Variants in CA5A observed in about 807,000 individuals in gnomAD.
CA5A encodes the protein carbonic anhydrase 5A, also known as carbonic anhydrase 5A, mitochondrial.
A neutral mutation model predicts 37.1 loss-of-function variants in CA5A; 28 were observed. The observed-to-expected ratio is 0.75, with a 90% CI of 0.56 to 1.03. The LOEUF is 1.03. Among genes scored for constraint, CA5A ranks in the 50% least tolerant of loss-of-function variants. The pLI is 0.00. For synonymous variants in CA5A, 171 were observed against 158.4 expected, an observed-to-expected ratio of 1.08 and a Z score of -0.60; for missense variants, 444 against 399.9, an observed-to-expected ratio of 1.11 and a Z score of -0.94.
chr16:87,914,304 G>C (rs528253933), intron 2 of CA5A, among the ~76,000 whole-genome samples: 13 of 152,198 alleles, frequency 8.5e-5, no homozygotes, highest in Admixed American at 6.5e-4. Flanking sequence ...GCTCATCACC[G>C]TCCATCTCCT....
At chr16:87,929,881 A>AAAAAAC in intron 1 of CA5A, among the ~76,000 whole-genome samples, 1 of 151,370 alleles carries the variant, frequency 6.6e-6, no homozygotes, top group South Asian at 2.1e-4. Flanking sequence ...CAAAAAAAAA[A>AAAAAAC]AAAAAAAAAA....
chr16:87,885,460 T>G (rs1033449380), downstream of CA5A: 4 of 152,370 alleles, frequency 2.6e-5, no homozygotes, highest in Non-Finnish European at 5.9e-5. Flanking sequence ...AGGAGACACC[T>G]GGGCACACCC....
At chr16:87,902,895 G>C (rs144035952) in intron 3 of CA5A, among the ~76,000 whole-genome samples, 1,520 of 149,934 alleles carry the variant, frequency 0.01, 26 homozygotes, top group African/African-American at 0.036. Context: ...CTGGGTGACA[G>C]AGCGAGACTC....
intron 1 of CA5A, among the ~76,000 whole-genome samples, chr16:87,932,197 T>A (rs1356548231): frequency 6.6e-6 from 1 of 151,778 alleles, no homozygotes; most frequent in Non-Finnish European, 1.5e-5. Context: ...CTACCCCCCC[T>A]CCCACGGCCG....
chr16:87,914,865 C>T (rs1182321391), intron 2 of CA5A, among the ~76,000 whole-genome samples: 3 of 152,178 alleles, frequency 2.0e-5, no homozygotes, highest in Admixed American at 6.5e-5. Context: ...AGGGGATGGG[C>T]ACAGAGAAGT....
chr16:87,936,406 C>A lies in CA5A; in HGVS notation c.45G>T (p.Leu15Phe), dbSNP rs1477263516. 6.2e-7 allele frequency: 1 copy of A among 1,614,058 alleles called. No homozygotes were observed. Among genetic ancestry groups the A allele is most frequent in the Non-Finnish European group, 8.5e-7 (1 of 1,179,946 alleles). Reference protein sequence around the residue: ...NTWKTSAFSFLVEQMWAPLWS... With the variant: ...NTWKTSAFSFFVEQMWAPLWS... ...AGAGAGGGGCCCACATCTGCTCAAC[C>A]AAGAAGGAGAAAGCTGAGGTCTTCC... The change falls in exon 1 of 7, where the codon TTG (leucine) becomes TTT (phenylalanine). Residue 15 changes from leucine (L) to phenylalanine (F), a missense_variant. Transcript: ENST00000649794.
At chr16:87,892,598 A>G (rs1224266417) in intron 5 of CA5A, among the ~76,000 whole-genome samples, 1 of 149,562 alleles carries the variant, frequency 6.7e-6, no homozygotes. Flanking sequence ...CATTTCTTTT[A>G]GCATACCTTG....
At chr16:87,931,344 TCGG>T (rs557159698) in intron 1 of CA5A, among the ~76,000 whole-genome samples, 93 of 148,626 alleles carry the variant, frequency 6.3e-4, no homozygotes, top group African/African-American at 2.2e-3. Context: ...ACTCCTGACT[TCGG>T]GTGATCCACC....
intron 1 of CA5A, 144 bp from the exon 2 acceptor site, chr16:87,927,089 C>G (rs1458875871): frequency 3.2e-6 from 2 of 627,678 alleles, no homozygotes; most frequent in Admixed American, 2.7e-5. Flanking sequence ...CGCGTGGGGG[C>G]CCCTGCGCAG....
chr16:87,894,222 G>T (rs373807376), intron 5 of CA5A, among the ~76,000 whole-genome samples: 3 of 151,962 alleles, frequency 2.0e-5, no homozygotes, highest in African/African-American at 7.3e-5. Flanking sequence ...GGGCCTGGCC[G>T]CAACACAGCC....
intron 1 of CA5A, among the ~76,000 whole-genome samples, chr16:87,931,727 C>A (rs1004151263): frequency 6.6e-6 from 1 of 152,168 alleles, no homozygotes; most frequent in Admixed American, 6.5e-5. Flanking sequence ...ACAGAACTCG[C>A]TAAGTGCCGG....
At chr16:87,893,110 A>C in intron 5 of CA5A, 2 of 615,018 alleles carry the variant, frequency 3.3e-6, no homozygotes, top group African/African-American at 3.9e-5. Flanking sequence ...GCCTAGAGAC[A>C]TTTCTTTCTT....
At chr16:87,897,228 A>G (rs944685615) in intron 5 of CA5A, among the ~76,000 whole-genome samples, 15 of 152,270 alleles carry the variant, frequency 9.9e-5, no homozygotes, top group South Asian at 2.1e-4. Context: ...AAGGCAGCCA[A>G]TTCCCCGGTA....
At chr16:87,927,034 C>A (rs1407330041) in intron 1 of CA5A, 89 bp from the exon 2 acceptor site, 1 of 900,540 alleles carries the variant, frequency 1.1e-6, no homozygotes. Flanking sequence ...CCGCACGAGA[C>A]CCCTCACGTC....
chr16:87,919,007 G>A (rs781542734), intron 2 of CA5A, among the ~76,000 whole-genome samples: 18 of 152,356 alleles, frequency 1.2e-4, no homozygotes, highest in Non-Finnish European at 2.5e-4. Flanking sequence ...GCGTGGACGG[G>A]AGCCAAAGGA....
intron 2 of CA5A, among the ~76,000 whole-genome samples, chr16:87,916,586 T>C (rs1329436871): frequency 1.3e-5 from 2 of 152,214 alleles, no homozygotes; most frequent in Non-Finnish European, 2.9e-5. Context: ...TCCAAAACCA[T>C]CTTCTTTCTT....
intron 4 of CA5A, among the ~76,000 whole-genome samples, chr16:87,902,190 C>T (rs1406865915): frequency 6.6e-6 from 1 of 151,924 alleles, no homozygotes; most frequent in East Asian, 2.0e-4. Flanking sequence ...CCTGTCTCTA[C>T]TAAAAATACA....
chr16:87,912,208 G>C lies in CA5A; in HGVS notation c.341-7304C>G, dbSNP rs142770929. On this transcript the variant is annotated intron_variant, in intron 2 of 6. Transcript: ENST00000649794. ...TGCCAGCTACTTGGGAGGCGGAGGT[G>C]AGAGAATCGCTTGAACCCGGGAGGT... 8.3e-3 allele frequency among the ~76,000 whole-genome samples: 1,258 copies of C among 152,250 alleles called. 23 individuals carry two copies. Among genetic ancestry groups the C allele is most frequent in the African/African-American group, 0.029 (1,200 of 41,548 alleles).
In CA5A at chr16:87,936,427, C is replaced by T. The variant is rs774466653; in HGVS notation, c.24G>A (p.Lys8=). The part of the protein sequence containing the change: MLGRNTW[K]TSAFSFLVEQ... ...CAACCAAGAAGGAGAAAGCTGAGGTCTTCCAAGTGTTCCTCCCCAACATCT... is the reference window on the plus strand; with the variant it reads ...CAACCAAGAAGGAGAAAGCTGAGGTTTTCCAAGTGTTCCTCCCCAACATCT... Residue 8 remains lysine, a synonymous_variant, in exon 1 of 7, where the codon AAG becomes AAA. Transcript: ENST00000649794. 1.2e-6 allele frequency: 2 copies of T among 1,613,906 alleles called. No individual in the cohort carries two copies. The highest frequency in any genetic ancestry group is 2.7e-5 in the African/African-American group (2 of 74,922).
Sources: gnomAD v4.1 joint callset for allele counts (sites outside exome capture counted in the v4.1 genomes callset) on GRCh38, gnomAD v4.1.1 for gene constraint, MANE v1.5 for transcripts, NCBI Gene and HGNC (gene_info 2026-07-23, HGNC 2026-07-21) for gene names.